CCDC88C: variants seen among roughly 807,000 people sequenced by gnomAD.
CCDC88C encodes protein Daple.
A neutral mutation model predicts 198.8 loss-of-function variants in CCDC88C; 131 were observed. That is an observed-to-expected ratio of 0.66 (90% confidence interval 0.57 to 0.76). CCDC88C has a LOEUF of 0.76. Among genes scored for constraint, CCDC88C ranks in the 30% least tolerant of loss-of-function variants. CCDC88C has a pLI of 0.00. For synonymous variants in CCDC88C, 1,166 were observed against 1,114.7 expected (o/e 1.05, Z -0.92); for missense variants, 2,553 against 2,631.6 (o/e 0.97, Z 0.65).
chr14:91,330,138 A>AT (rs1456244652), intron 10 of CCDC88C, among the ~76,000 whole-genome samples: 4 of 152,222 alleles, frequency 2.6e-5, no homozygotes, highest in Admixed American at 2.6e-4. Flanking sequence ...CCTGTGTTCA[A>AT]AGAGCTCCCA....
intron 2 of CCDC88C, among the ~76,000 whole-genome samples, chr14:91,410,567 A>G (rs531771621): frequency 6.6e-6 from 1 of 152,358 alleles, no homozygotes; most frequent in African/African-American, 2.4e-5. Context: ...GAGAAAATAA[A>G]GGTTAAGAGT....
Position 91,272,458 on chromosome 14 carries a change from G to A in CCDC88C, c.*167C>T. On this transcript the variant is annotated 3_prime_UTR_variant, in exon 30 of 30. Coordinates refer to ENST00000389857, the MANE Select transcript of CCDC88C (RefSeq NM_001080414.4). ...ACACCTGGAAGCGTAATCCTCTTGG[G>A]GCTTGGCACAGTGTTTCCATTCACA... 1 of 685,202 alleles carries A rather than the reference G, an allele frequency of 1.5e-6. No individual in the cohort carries two copies. Among genetic ancestry groups the A allele is most frequent in the Non-Finnish European group, 2.4e-6 (1 of 415,060 alleles). 42.4% of individuals were successfully genotyped at this position (685,202 alleles called of 1,614,324 possible). A position where few individuals can be genotyped will look rare whatever the true frequency, so the allele number is the denominator to read the frequency against.
At chr14:91,387,581 T>C (rs544637737) in intron 3 of CCDC88C, among the ~76,000 whole-genome samples, 29 of 152,250 alleles carry the variant, frequency 1.9e-4, no homozygotes, top group African/African-American at 6.5e-4. Flanking sequence ...GCCTGCTGGG[T>C]TAGGCCCTGG....
chr14:91,276,314 G>T (rs7153145), intron 29 of CCDC88C, among the ~76,000 whole-genome samples: 1 of 152,176 alleles, frequency 6.6e-6, no homozygotes. Flanking sequence ...ACATTAGACC[G>T]CTAACTTCTC....
intron 3 of CCDC88C, among the ~76,000 whole-genome samples, chr14:91,361,422 C>T (rs1036426364): frequency 3.3e-5 from 5 of 152,166 alleles, no homozygotes; most frequent in East Asian, 3.9e-4. Context: ...CAGATTAGAA[C>T]GGGGGCCGAG....
rs1275047163 is a variant in CCDC88C at position 91,359,987 on chromosome 14, T to A, written c.271-276A>T. ...AAAAAGAAAAAGCATATTTAAAAAA[T>A]AAAATGAAAGCTAAAGTTATGTCTG... On this transcript the variant is annotated intron_variant, in intron 3 of 29. Transcript: ENST00000389857. Among the ~76,000 whole-genome samples, 1 of 152,014 alleles carries A rather than the reference T, an allele frequency of 6.6e-6. No individual in the cohort carries two copies. The highest frequency in any genetic ancestry group is 1.5e-5 in the Non-Finnish European group (1 of 67,982).
At chr14:91,277,633 G>A (rs996613795) in intron 29 of CCDC88C, among the ~76,000 whole-genome samples, 13 of 152,198 alleles carry the variant, frequency 8.5e-5, no homozygotes, top group Admixed American at 2.6e-4. Flanking sequence ...GAAACCCAGC[G>A]TGAGATCCTA....
intron 3 of CCDC88C, among the ~76,000 whole-genome samples, chr14:91,406,596 G>C (rs1367947242): frequency 6.6e-6 from 1 of 152,232 alleles, no homozygotes; most frequent in East Asian, 1.9e-4. Context: ...CTTGCCTCTT[G>C]AACTTTCAGC....
chr14:91,286,618 C>T (rs1359781594), intron 25 of CCDC88C, among the ~76,000 whole-genome samples: 1 of 152,198 alleles, frequency 6.6e-6, no homozygotes, highest in African/African-American at 2.4e-5. Context: ...TTATTTCTTC[C>T]TCCACAGCAC....
chr14:91,291,002 G>A lies in CCDC88C; in HGVS notation c.4195C>T (p.Pro1399Ser). The change falls in exon 24 of 30, where the codon CCA (proline) becomes TCA (serine). Residue 1399 changes from proline to serine, a missense_variant. Pro to Ser is a moderately conservative substitution (Grantham distance 74). Around this residue, in one of 2 missense-constraint regions of CCDC88C, gnomAD observed 1,293 missense variants for 1,219.6 expected, o/e 1.06. Coordinates refer to ENST00000389857, the MANE Select transcript of CCDC88C (RefSeq NM_001080414.4). Reference protein sequence around the residue: ...MDQYKFYDPPPKKKNHWIGAK... With the variant: ...MDQYKFYDPPSKKKNHWIGAK... ...ACACTTAAATCAACTCACTTCTTTG[G>A]AGGAGGATCATAGAACTTGTATTGA... 6.4e-7 allele frequency: 1 copy of A among 1,573,170 alleles called. No homozygotes were observed. The highest frequency in any genetic ancestry group is 8.7e-7 in the Non-Finnish European group (1 of 1,149,242).
intron 16 of CCDC88C, 68 bp downstream of exon 16, chr14:91,309,791 G>A: frequency 1.3e-6 from 2 of 1,526,378 alleles, no homozygotes; most frequent in East Asian, 2.3e-5. Flanking sequence ...AGGGGAGGGT[G>A]AGGAGCCTGC....
In CCDC88C at chr14:91,331,481, C is replaced by T. The variant is rs1285768; in HGVS notation, c.1051-5425G>A. Among the ~76,000 whole-genome samples, 1,410 of 152,316 alleles carry T rather than the reference C, an allele frequency of 9.3e-3. 24 individuals carry two copies. Among genetic ancestry groups the T allele is most frequent in the East Asian group, 0.022 (112 of 5,180 alleles). Reference sequence around the variant, plus strand: ...CCACAGCAGAGCTCCTGCCCCACCCCGTTCCTGGTCACCATGGTGGGGTGG... The same window carrying T: ...CCACAGCAGAGCTCCTGCCCCACCCTGTTCCTGGTCACCATGGTGGGGTGG... On this transcript the variant is annotated intron_variant, in intron 10 of 29. Transcript: ENST00000389857.
intron 13 of CCDC88C, among the ~76,000 whole-genome samples, chr14:91,320,152 T>C (rs1892299354): frequency 6.6e-6 from 1 of 151,078 alleles, no homozygotes; most frequent in South Asian, 2.1e-4. Context: ...CTAAGATGAA[T>C]GAGGACTGGG....
intron 3 of CCDC88C, among the ~76,000 whole-genome samples, chr14:91,400,190 CAAGA>C (rs1305967240): frequency 6.6e-6 from 1 of 152,210 alleles, no homozygotes; most frequent in Non-Finnish European, 1.5e-5. Flanking sequence ...ATGGAGAGGA[CAAGA>C]AAGAGAAACA....
Position 91,338,847 on chromosome 14 carries a change from G to A in CCDC88C, c.810-277C>T, listed in dbSNP as rs1262150206. The stretch of plus-strand genomic sequence containing the variant: ...AGGTAAGGAGACCCCAGCGGCAGCT[G>A]TACCACCCCACAGCCAGGCTCCACA... On this transcript the variant is annotated intron_variant, in intron 8 of 29. Transcript: ENST00000389857. This position sits in a 1 kb window ranked among gnomAD's most constrained non-coding sequence, Gnocchi z 4.8. 3 of 505,616 alleles carry A rather than the reference G, an allele frequency of 5.9e-6. No homozygotes were observed. The highest frequency in any genetic ancestry group is 7.2e-5 in the East Asian group (2 of 27,898). 31.3% of individuals were successfully genotyped at this position (505,616 alleles called of 1,614,324 possible).
chr14:91,393,291 A>C (rs1885636723), intron 3 of CCDC88C, among the ~76,000 whole-genome samples: 1 of 152,210 alleles, frequency 6.6e-6, no homozygotes, highest in African/African-American at 2.4e-5. Context: ...TGACAGGTCC[A>C]GGTGCCAGCT....
chr14:91,314,258 C>A (rs1891997707), intron 14 of CCDC88C, 108 bp from the exon 15 acceptor site: 1 of 890,982 alleles, frequency 1.1e-6, no homozygotes, highest in South Asian at 1.7e-5. Context: ...GGCTGTCCTA[C>A]CTGTGCTCAG....
intron 13 of CCDC88C, among the ~76,000 whole-genome samples, chr14:91,320,408 A>C (rs1303832293): frequency 6.6e-6 from 1 of 152,288 alleles, no homozygotes; most frequent in Non-Finnish European, 1.5e-5. Flanking sequence ...GGGCACCCGC[A>C]GAGGACAGGG....
At chr14:91,294,709 G>C (rs541882748) in intron 22 of CCDC88C, among the ~76,000 whole-genome samples, 2 of 152,188 alleles carry the variant, frequency 1.3e-5, no homozygotes, top group African/African-American at 4.8e-5. Context: ...GGCTGGAGTG[G>C]AGTGGCATGA....
Sources: gnomAD v4.1 joint callset for allele counts (sites outside exome capture counted in the v4.1 genomes callset) on GRCh38, gnomAD v4.1.1 for gene constraint, gnomAD v4.1.1 regional missense constraint, Gnocchi (gnomAD v3.1) non-coding constraint, MANE v1.5 for transcripts, NCBI Gene and HGNC (gene_info 2026-07-23, HGNC 2026-07-21) for gene names.